LGMN: variants seen among roughly 807,000 people sequenced by gnomAD.
The protein encoded by LGMN is legumain, also known as asparaginyl endopeptidase.
In LGMN, 36 loss-of-function variants were observed where a neutral mutation model predicts 56.8. The observed-to-expected ratio is 0.63, with a 90% CI of 0.49 to 0.84. The LOEUF (loss-of-function observed/expected upper bound fraction) is 0.84, where lower values mean the gene tolerates loss of function less well. LGMN is among the 40% of genes least tolerant of loss of function. The probability of loss-of-function intolerance (pLI) is 0.00; values close to 1 mark genes in which losing one functional copy is unlikely to be tolerated. For missense variants in LGMN, 446 were observed against 556.1 expected, an observed-to-expected ratio of 0.80 and a Z score of 1.99; for synonymous variants, 199 against 210.1, an observed-to-expected ratio of 0.95 and a Z score of 0.46.
At chr14:92,740,298 GGAGTGGCACA>G (rs1325688234) in intron 1 of LGMN, among the ~76,000 whole-genome samples, 1 of 152,260 alleles carries the variant, frequency 6.6e-6, no homozygotes, top group African/African-American at 2.4e-5. Context: ...GATGTGTTGC[GGAGTGGCACA>G]GAGTGGCACA....
chr14:92,714,471 G>C lies in LGMN; in HGVS notation c.405-20C>G. The C allele has an allele frequency of 6.5e-7, 1 of 1,527,868 alleles. No individual in the cohort carries two copies. Among genetic ancestry groups the C allele is most frequent in the Non-Finnish European group, 9.0e-7 (1 of 1,110,034 alleles). The allele number at this position is 1,527,868 out of a possible 1,614,324, so 94.6% of individuals were successfully genotyped here. A position where few individuals can be genotyped will look rare whatever the true frequency, so the allele number is the denominator to read the frequency against. On this transcript the variant is annotated intron_variant, in intron 5 of 13. Transcript: ENST00000334869. This position sits in a 1 kb window ranked among gnomAD's most constrained non-coding sequence, Gnocchi z 5.1. ...GGGCCACTGCCAAGAAGGAATCGGG[G>C]GTCAATCATTTCCTTTTTCTGTTTT... is the stretch of plus-strand genomic sequence containing the variant.
At chr14:92,735,248 T>C (rs1339413905) in intron 1 of LGMN, among the ~76,000 whole-genome samples, 2 of 152,048 alleles carry the variant, frequency 1.3e-5, no homozygotes, top group Non-Finnish European at 2.9e-5. Context: ...GCTCTGTGGC[T>C]CAGGCTGGAG....
chr14:92,720,528 A>G (rs1890403807), intron 2 of LGMN, among the ~76,000 whole-genome samples: 1 of 152,200 alleles, frequency 6.6e-6, no homozygotes, highest in Non-Finnish European at 1.5e-5. Context: ...TTAGCCAGGC[A>G]TGGTGGTGCA....
chr14:92,745,906 C>T (rs1204626027), intron 1 of LGMN, among the ~76,000 whole-genome samples: 6 of 152,026 alleles, frequency 3.9e-5, no homozygotes, highest in Non-Finnish European at 7.4e-5. Flanking sequence ...ACTGCAACCT[C>T]CGGCTCCCTG....
chr14:92,735,950 G>A (rs1254375418), intron 1 of LGMN, among the ~76,000 whole-genome samples: 5 of 152,098 alleles, frequency 3.3e-5, no homozygotes, highest in Non-Finnish European at 5.9e-5. Flanking sequence ...ACAAGGGCTC[G>A]CTGTGGGGCT....
rs80078173 is a variant in LGMN, at chr14:92,737,785, A to C, written c.-29-4970T>G. 2.8e-3 allele frequency among the ~76,000 whole-genome samples: 426 copies of C among 152,352 alleles called. 3 individuals are homozygous for C. Among genetic ancestry groups the C allele is most frequent in the African/African-American group, 9.8e-3 (408 of 41,576 alleles). On this transcript the variant is annotated intron_variant, in intron 1 of 13. Coordinates refer to ENST00000334869, the MANE Select transcript of LGMN (RefSeq NM_005606.7). ...TTACAGCCAGAGACAATATATAAACAAAAGAATAGGTTATGTTCCAATAAA... is the reference window on the plus strand; with the variant it reads ...TTACAGCCAGAGACAATATATAAACCAAAGAATAGGTTATGTTCCAATAAA...
At chr14:92,742,614 T>C (rs531853132) in intron 1 of LGMN, among the ~76,000 whole-genome samples, 77 of 152,196 alleles carry the variant, frequency 5.1e-4, no homozygotes, top group African/African-American at 1.8e-3. Flanking sequence ...AAAATACCCA[T>C]GCGTGGCACA....
intron 7 of LGMN, among the ~76,000 whole-genome samples, chr14:92,713,350 G>A (rs1214049234): frequency 6.6e-6 from 1 of 152,086 alleles, no homozygotes; most frequent in African/African-American, 2.4e-5. Flanking sequence ...AAAGTGCTGG[G>A]ACTACAGGAG....
rs573784902 is a variant in LGMN, at chr14:92,704,584, C to A, written c.1259+56G>T. ...CCCACTTGCAGAAGAGGATGGCAGC[C>A]CCTTCTGCTTTCAGAATGACATCGA... On this transcript the variant is annotated intron_variant, in intron 13 of 13. Coordinates refer to ENST00000334869, the MANE Select transcript of LGMN (RefSeq NM_005606.7). The A allele has an allele frequency of 4.5e-5, 65 of 1,431,528 alleles. No individual in the cohort carries two copies. In the South Asian group the frequency reaches 7.1e-4, roughly 16 times the overall value. The allele number at this position is 1,431,528 out of a possible 1,614,324, so 88.7% of individuals were successfully genotyped here.
At position 92,711,820 on chromosome 14, in the gene LGMN, GC is replaced by G; in HGVS notation, c.729+16del. The G allele has an allele frequency of 6.2e-7, 1 of 1,608,264 alleles. No individual in the cohort carries two copies. On this transcript the variant is annotated intron_variant, in intron 9 of 13. Coordinates refer to ENST00000334869, the MANE Select transcript of LGMN (RefSeq NM_005606.7). ...CGGTTAAACCCCAGCTGAACAGCCA[GC>G]CCCCAAAGGGCTCACCACGTCCGAA...
chr14:92,704,962 C>G (rs1353063408), intron 12 of LGMN: 5 of 422,988 alleles, frequency 1.2e-5, no homozygotes, highest in Admixed American at 6.7e-5. Flanking sequence ...GGGCAGGACT[C>G]CTGACAGGGA....
intron 1 of LGMN, among the ~76,000 whole-genome samples, chr14:92,739,790 G>C (rs1312777738): frequency 6.6e-6 from 1 of 152,196 alleles, no homozygotes; most frequent in African/African-American, 2.4e-5. Flanking sequence ...ACAGCCTTAT[G>C]GTGGGATACT....
rs559615556 is a variant in LGMN, at chr14:92,714,407, G to T, written c.449C>A (p.Ser150Tyr). ...ATTGGGAAAAACCAGTATTCCAGTA[G>T]ATCCATGGTCAGTGAAGTAAATGAA... ...HVFIYFTDHG[S>Y]TGILVFPNED... The change falls in exon 6 of 14, where the codon TCT becomes TAT. Residue 150 changes from serine (S) to tyrosine (Y), a missense_variant. By Grantham distance (144) the Ser-to-Tyr change is moderately radical. Transcript: ENST00000334869. The surrounding 1 kb of genome is among the most constrained non-coding windows in gnomAD (Gnocchi z 5.1). 4 of 1,612,300 alleles carry T rather than the reference G, an allele frequency of 2.5e-6. No homozygotes were observed. The highest frequency in any genetic ancestry group is 1.1e-5 in the South Asian group (1 of 91,034).
In LGMN at chr14:92,713,828, G is replaced by T; in HGVS notation, c.538C>A (p.Arg180=). ...IHYMYKHKMY[R]KMVFYIEACE... is the part of the protein sequence containing the mutation. ...TGCCCCAAGGGCTGAATTACCTTTC[G>T]GTACATTTTGTGTTTGTACATGTAA... Residue 180 remains arginine, a synonymous_variant, in exon 7 of 14, where the codon CGA becomes AGA. Transcript: ENST00000334869. The T allele has an allele frequency of 1.2e-6, 2 of 1,611,514 alleles. No individual in the cohort carries two copies. The highest frequency in any genetic ancestry group is 1.7e-6 in the Non-Finnish European group (2 of 1,177,724).
chr14:92,719,165 C>CCACCACCACCACCACCAT (rs1566923639), intron 2 of LGMN, among the ~76,000 whole-genome samples: 4 of 88,148 alleles, frequency 4.5e-5, no homozygotes, highest in Non-Finnish European at 8.7e-5. Context: ...ACTGCCACCA[C>CCACCACCACCACCACCAT]CACCACCACC....
chr14:92,742,339 C>A (rs1394532767), intron 1 of LGMN, among the ~76,000 whole-genome samples: 2 of 137,588 alleles, frequency 1.5e-5, no homozygotes, highest in Non-Finnish European at 3.0e-5. Context: ...ACTCTGTCGT[C>A]CAGAATGGAG....
intron 1 of LGMN, among the ~76,000 whole-genome samples, chr14:92,738,687 G>A (rs1490357062): frequency 1.3e-5 from 2 of 151,826 alleles, no homozygotes; most frequent in Non-Finnish European, 2.9e-5. Flanking sequence ...TATATTAAAA[G>A]CCTCACATTA....
At chr14:92,720,940 G>T (rs1190955532) in intron 2 of LGMN, among the ~76,000 whole-genome samples, 10 of 151,998 alleles carry the variant, frequency 6.6e-5, no homozygotes, top group Non-Finnish European at 1.5e-4. Context: ...TCCCAGGCGG[G>T]AGTGCACAGG....
chr14:92,725,366 T>C (rs895829869), intron 2 of LGMN, among the ~76,000 whole-genome samples: 1 of 151,792 alleles, frequency 6.6e-6, no homozygotes, highest in East Asian at 1.9e-4. Flanking sequence ...CTGGGAAACA[T>C]AGCAAGACTT....
Sources: gnomAD v4.1 joint callset for allele counts (sites outside exome capture counted in the v4.1 genomes callset) on GRCh38, gnomAD v4.1.1 for gene constraint, Gnocchi (gnomAD v3.1) non-coding constraint, MANE v1.5 for transcripts, NCBI Gene and HGNC (gene_info 2026-07-23, HGNC 2026-07-21) for gene names.